FRMD4B: variants seen among roughly 807,000 people sequenced by gnomAD.
FRMD4B encodes FERM domain containing 4B.
Under a neutral mutation model 141.5 loss-of-function variants are expected in FRMD4B, and 74 were observed. The observed-to-expected ratio is 0.52, with a 90% CI of 0.43 to 0.63. FRMD4B has a LOEUF of 0.63. Among genes scored for constraint, FRMD4B ranks in the 30% least tolerant of loss-of-function variants. The pLI is 0.00. For missense variants in FRMD4B, 1,366 were observed against 1,253.4 expected (o/e 1.09, Z -1.36); for synonymous variants, 506 against 467.9 (o/e 1.08, Z -1.05).
chr3:69,176,298 G>A (rs888873611), intron 22 of FRMD4B, among the ~76,000 whole-genome samples: 5 of 152,202 alleles, frequency 3.3e-5, no homozygotes, highest in African/African-American at 7.2e-5. Flanking sequence ...CAACTACTCA[G>A]CTCTGCCCTC....
chr3:69,196,238 T>A lies in FRMD4B; in HGVS notation c.1234+17A>T. 6.4e-7 allele frequency: 1 copy of A among 1,556,034 alleles called. No homozygotes were observed. Among genetic ancestry groups the A allele is most frequent in the Non-Finnish European group, 8.6e-7 (1 of 1,156,706 alleles). ...AAATAAAGATGGCTTGCACGTTCTC[T>A]AATCCCAAGATGTTACCTGAGGAGA... On this transcript the variant is annotated intron_variant, in intron 14 of 22. Transcript: ENST00000398540.
intron 19 of FRMD4B, 124 bp from the exon 20 acceptor site, chr3:69,182,841 G>T (rs1461545759): frequency 1.1e-6 from 1 of 876,172 alleles, no homozygotes; most frequent in East Asian, 2.6e-5. Context: ...AGAAAGATAG[G>T]AAGAGTGTCT....
chr3:69,458,612 CCT>C (rs1460661655), intron 1 of FRMD4B, among the ~76,000 whole-genome samples: 2 of 152,126 alleles, frequency 1.3e-5, no homozygotes, highest in African/African-American at 4.8e-5. Flanking sequence ...GCCAAATTCT[CCT>C]CTTTCATCTG....
exon 2 of FRMD4B, chr3:69,432,704 T>A (rs905040491): frequency 6.6e-6 from 1 of 152,216 alleles, no homozygotes; most frequent in African/African-American, 2.4e-5. Flanking sequence ...TTGTTTGCTA[T>A]GCATAGATGT....
chr3:69,502,000 A>G (rs1706505664), intron 1 of FRMD4B, among the ~76,000 whole-genome samples: 1 of 152,180 alleles, frequency 6.6e-6, no homozygotes, highest in Admixed American at 6.5e-5. Context: ...CTTCAGGGAG[A>G]ACTACAAACC....
chr3:69,480,291 T>G (rs1194892232), intron 1 of FRMD4B, among the ~76,000 whole-genome samples: 6 of 152,370 alleles, frequency 3.9e-5, no homozygotes, highest in Admixed American at 3.9e-4. Flanking sequence ...CTCTGCTTTT[T>G]AGAGTTTCCA....
In FRMD4B at chr3:69,216,252, T is replaced by A. The variant is rs1160199269; in HGVS notation, c.876+11A>T. ...ACAGTTCAAAGTTCTCCTAAAGTGA[T>A]CCACACTTACCTTCCGAGGCTTCAC... On this transcript the variant is annotated intron_variant, in intron 11 of 22. Coordinates refer to ENST00000398540, the MANE Select transcript of FRMD4B (RefSeq NM_015123.3). 2.2e-6 allele frequency: 3 copies of A among 1,383,152 alleles called. No homozygotes were observed. Among genetic ancestry groups the A allele is most frequent in the East Asian group, 4.7e-5 (2 of 42,500 alleles). The allele number at this position is 1,383,152 out of a possible 1,614,324, so 85.7% of individuals were successfully genotyped here.
chr3:69,330,084 G>A (rs1017959944), intron 1 of FRMD4B, among the ~76,000 whole-genome samples: 1 of 151,964 alleles, frequency 6.6e-6, no homozygotes, highest in African/African-American at 2.4e-5. Context: ...TTCCACAAAT[G>A]CAGAGATTTG....
At chr3:69,192,903 G>A (rs1344744905) in intron 17 of FRMD4B, among the ~76,000 whole-genome samples, 1 of 151,456 alleles carries the variant, frequency 6.6e-6, no homozygotes, top group Non-Finnish European at 1.5e-5. Flanking sequence ...CTGCAGCCTC[G>A]ATTACCTGGG....
intron 1 of FRMD4B, among the ~76,000 whole-genome samples, chr3:69,328,021 T>C (rs1702240051): frequency 6.6e-6 from 1 of 151,670 alleles, no homozygotes; most frequent in Non-Finnish European, 1.5e-5. Flanking sequence ...AACATAGAAA[T>C]ATGAAAAAGG....
chr3:69,312,426 G>A (rs1701631399), intron 2 of FRMD4B, among the ~76,000 whole-genome samples: 1 of 152,168 alleles, frequency 6.6e-6, no homozygotes, highest in Non-Finnish European at 1.5e-5. Flanking sequence ...CACTCTAATT[G>A]AAGCCTAAGC....
Position 69,193,618 on chromosome 3 carries a change from TCA to T in FRMD4B, c.1714+28_1714+29del, listed in dbSNP as rs1491566356. On this transcript the variant is annotated intron_variant, in intron 17 of 22. Coordinates refer to ENST00000398540, the MANE Select transcript of FRMD4B (RefSeq NM_015123.3). ...TACCATGAAGTACTGAGTAGGGGAC[TCA>T]AAAAAAAAAACCTTACTTATTACTA... is the stretch of plus-strand genomic sequence containing the variant. The T allele has an allele frequency of 2.6e-6, 3 of 1,151,550 alleles. No individual in the cohort carries two copies. In the African/African-American group the frequency reaches 8.7e-5, roughly 33 times the overall value. The allele number at this position is 1,151,550 out of a possible 1,614,324, so 71.3% of individuals were successfully genotyped here. A position where few individuals can be genotyped will look rare whatever the true frequency, so the allele number is the denominator to read the frequency against.
intron 1 of FRMD4B, among the ~76,000 whole-genome samples, chr3:69,365,558 G>T (rs1303615592): frequency 6.6e-6 from 1 of 150,522 alleles, no homozygotes; most frequent in Non-Finnish European, 1.5e-5. Context: ...AGGCTGGGGT[G>T]CAGTGAAGCA....
At chr3:69,204,003 C>T (rs1288956608) in intron 11 of FRMD4B, among the ~76,000 whole-genome samples, 1 of 152,074 alleles carries the variant, frequency 6.6e-6, no homozygotes, top group Admixed American at 6.6e-5. Context: ...TGCTCTATTT[C>T]TGTTTATTTC....
At position 69,250,034 on chromosome 3, in the gene FRMD4B, C is replaced by A. The variant is rs73099842; in HGVS notation, c.558+9G>T. The stretch of plus-strand genomic sequence containing the variant: ...GGGAGCTGCTAAGAGGCAGTTTGTC[C>A]AATCTTACCTGTAAAATAAACGCTG... On this transcript the variant is annotated intron_variant, in intron 6 of 22. Transcript: ENST00000398540. The A allele has an allele frequency of 0.081, 128,426 of 1,589,774 alleles. 6,154 individuals are homozygous for A. Among genetic ancestry groups the A allele is most frequent in the Middle Eastern group, 0.13 (765 of 6,012 alleles).
intron 1 of FRMD4B, among the ~76,000 whole-genome samples, chr3:69,373,837 C>T (rs1466212789): frequency 6.6e-6 from 1 of 152,198 alleles, no homozygotes; most frequent in Admixed American, 6.5e-5. Context: ...TGCACCAATG[C>T]ACTCTAGCCT....
intron 1 of FRMD4B, among the ~76,000 whole-genome samples, chr3:69,478,415 C>T (rs1440362652): frequency 6.6e-6 from 1 of 152,196 alleles, no homozygotes; most frequent in East Asian, 1.9e-4. Context: ...TCTTTGTTCT[C>T]ATTGGTTTCA....
chr3:69,416,572 C>G (rs993680581), intron 2 of FRMD4B, among the ~76,000 whole-genome samples: 1 of 152,086 alleles, frequency 6.6e-6, no homozygotes, highest in African/African-American at 2.4e-5. Context: ...CTGGGATACA[C>G]GTGCAGAATG....
At chr3:69,209,785 T>A (rs1043597184) in intron 11 of FRMD4B, among the ~76,000 whole-genome samples, 1 of 152,214 alleles carries the variant, frequency 6.6e-6, no homozygotes, top group Non-Finnish European at 1.5e-5. Context: ...CATACCATGC[T>A]TTATTTGGCA....
Sources: allele counts gnomAD v4.1 joint callset (sites outside exome capture counted in the v4.1 genomes callset), GRCh38; gene constraint gnomAD v4.1.1; transcripts MANE v1.5; gene names NCBI Gene and HGNC (gene_info 2026-07-23, HGNC 2026-07-21).